Variants in OCM2 observed in about 807,000 individuals in gnomAD.
OCM2 encodes the protein oncomodulin 2, also known as oncomodulin-2.
A neutral mutation model predicts 13.6 loss-of-function variants in OCM2; 6 were observed. That is an observed-to-expected ratio of 0.44 (90% CI 0.24 to 0.87). The LOEUF (loss-of-function observed/expected upper bound fraction) is 0.87, where lower values mean the gene tolerates loss of function less well. OCM2 is among the 40% of genes least tolerant of loss of function. The pLI, the probability that OCM2 is intolerant of heterozygous loss-of-function variation, is 0.22. For synonymous variants in OCM2, 40 were observed against 50.7 expected (o/e 0.79, Z 0.90); for missense variants, 118 against 136.8 (o/e 0.86, Z 0.68).
At chr7:97,990,077 C>T (rs868831299) in exon 1 of OCM2, 2 of 1,576,460 alleles carry the variant, frequency 1.3e-6, no homozygotes, top group East Asian at 2.4e-5. Flanking sequence ...GCAATGTCAT[C>T]AGCACTGAGC....
intron 1 of OCM2, 29 bp downstream of exon 1, chr7:97,990,015 A>AGGCCGCCC: frequency 1.3e-6 from 1 of 780,806 alleles, no homozygotes; most frequent in Non-Finnish European, 2.2e-6. Context: ...CTGTGAGGAA[A>AGGCCGCCC]TCCCACCCCC....
chr7:97,988,266 A>G (rs1052575683), intron 2 of OCM2, 150 bp downstream of exon 2: 2 of 906,632 alleles, frequency 2.2e-6, no homozygotes, highest in Non-Finnish European at 3.3e-6. Flanking sequence ...TGTGCGGTCA[A>G]CTGACTCATG....
chr7:97,986,110 A>G (rs1335644705), intron 3 of OCM2, among the ~76,000 whole-genome samples: 1 of 151,976 alleles, frequency 6.6e-6, no homozygotes, highest in Non-Finnish European at 1.5e-5. Flanking sequence ...GATGGGGTTT[A>G]CCATGTTGGT....
intron 2 of OCM2, among the ~76,000 whole-genome samples, chr7:97,988,181 C>A (rs34166869): frequency 8.7e-5 from 13 of 149,690 alleles, no homozygotes; most frequent in Non-Finnish European, 1.6e-4. Context: ...ACAGTGAGGC[C>A]CTGTCTCAAA....
intron 3 of OCM2, among the ~76,000 whole-genome samples, chr7:97,986,539 T>C (rs1794673258): frequency 6.6e-6 from 1 of 152,192 alleles, no homozygotes; most frequent in East Asian, 1.9e-4. Context: ...ATAAATGAGG[T>C]TGGCTTATTT....
intron 3 of OCM2, among the ~76,000 whole-genome samples, chr7:97,986,105 G>A (rs1794668894): frequency 6.6e-6 from 1 of 151,904 alleles, no homozygotes; most frequent in Admixed American, 6.6e-5. Flanking sequence ...ATAGAGATGG[G>A]GTTTACCATG....
rs371557134 is a variant in OCM2 at position 97,987,109 on chromosome 7, G to A, written c.242C>T (p.Ser81Leu). The A allele has an allele frequency of 2.5e-6, 4 of 1,613,754 alleles. No homozygotes were observed. The African/African-American group carries it at 5.3e-5, about 22-fold the overall frequency. ...CGCAGCCATCAAGGACTTGGTTTCTGACTCGGTCAGTTCTCTGGCACCACT... is the reference window on the plus strand; with the variant it reads ...CGCAGCCATCAAGGACTTGGTTTCTAACTCGGTCAGTTCTCTGGCACCACT... The change falls in exon 3 of 4, where the codon TCA becomes TTA. Residue 81 changes from serine (S) to leucine (L), a missense_variant. Ser to Leu is a moderately radical substitution (Grantham distance 145). Transcript: ENST00000257627.
At chr7:97,985,010 T>A in intron 3 of OCM2, 27 bp from the exon 4 acceptor site, 2 of 1,613,956 alleles carry the variant, frequency 1.2e-6, no homozygotes, top group Non-Finnish European at 1.7e-6. Context: ...GAGAACAGGG[T>A]CAGTGGAGGT....
chr7:97,987,214 A>C, intron 2 of OCM2, 58 bp from the exon 3 acceptor site: 2 of 1,602,830 alleles, frequency 1.2e-6, no homozygotes, highest in Non-Finnish European at 1.7e-6. Flanking sequence ...CCCTGTGTTT[A>C]GACTTTTGTT....
chr7:97,985,893 A>C (rs1436372986), intron 3 of OCM2, among the ~76,000 whole-genome samples: 1 of 152,014 alleles, frequency 6.6e-6, no homozygotes, highest in Non-Finnish European at 1.5e-5. Flanking sequence ...TTATTTGGAA[A>C]TCCTTCATGG....
At chr7:97,985,325 G>A (rs527390324) in intron 3 of OCM2, among the ~76,000 whole-genome samples, 39 of 151,170 alleles carry the variant, frequency 2.6e-4, no homozygotes, top group Non-Finnish European at 5.2e-4. Flanking sequence ...AGGCTGAGGC[G>A]GGAGAATCAC....
chr7:97,987,113 C>T (rs761101916), exon 3 of OCM2: 25 of 1,613,750 alleles, frequency 1.5e-5, no homozygotes, highest in Admixed American at 1.0e-4. Context: ...GTTTCTGACT[C>T]GGTCAGTTCT....
intron 2 of OCM2, 57 bp downstream of exon 2, chr7:97,988,359 G>T (rs1794692798): frequency 1.4e-5 from 22 of 1,606,206 alleles, no homozygotes; most frequent in Non-Finnish European, 1.7e-5. Flanking sequence ...GGCCCCCACT[G>T]CACCCCAGGC....
intron 3 of OCM2, among the ~76,000 whole-genome samples, chr7:97,986,417 A>G (rs1794671745): frequency 6.6e-6 from 1 of 152,134 alleles, no homozygotes; most frequent in African/African-American, 2.4e-5. Flanking sequence ...TGGCAGACAC[A>G]AAGTAGTTAA....
chr7:97,985,471 A>ATCAATGAC (rs1362097408), intron 3 of OCM2, among the ~76,000 whole-genome samples: 90 of 151,312 alleles, frequency 5.9e-4, no homozygotes, highest in Middle Eastern at 6.8e-3. Context: ...AACCCTGGGT[A>ATCAATGAC]TCAATGACTA....
intron 3 of OCM2, among the ~76,000 whole-genome samples, chr7:97,985,431 A>AAAAAAAAAAAG (rs757682710): frequency 5.3e-5 from 7 of 131,498 alleles, no homozygotes; most frequent in East Asian, 2.4e-4. Context: ...AAAAAAAAAA[A>AAAAAAAAAAAG]AAAGAAAGAA....
chr7:97,990,172 G>A (rs1794718967), exon 1 of OCM2: 2 of 1,449,386 alleles, frequency 1.4e-6, no homozygotes, highest in Non-Finnish European at 1.9e-6. Context: ...ACATCCAGGG[G>A]AAACACATCT....
intron 1 of OCM2, 26 bp downstream of exon 1, chr7:97,990,018 C>CTGG: frequency 4.1e-6 from 3 of 722,990 alleles, no homozygotes; most frequent in Non-Finnish European, 7.3e-6. Context: ...TGAGGAAATC[C>CTGG]CACCCCCGCC....
chr7:97,988,519 A>C, exon 2 of OCM2: 1 of 1,614,214 alleles, frequency 6.2e-7, no homozygotes, highest in Non-Finnish European at 8.5e-7. Flanking sequence ...GACGTCTGGA[A>C]GAATTTTTGG....
Sources: gnomAD v4.1 joint callset for allele counts (sites outside exome capture counted in the v4.1 genomes callset) on GRCh38, gnomAD v4.1.1 for gene constraint, MANE v1.5 for transcripts, NCBI Gene and HGNC (gene_info 2026-07-23, HGNC 2026-07-21) for gene names.